Variants in USH2A observed in about 807,000 individuals in gnomAD.
USH2A encodes the protein Usher syndrome 2A (autosomal recessive, mild).
Under a neutral mutation model 538.9 loss-of-function variants are expected in USH2A, and 443 were observed. The observed-to-expected ratio is 0.82, with a 90% CI of 0.76 to 0.89. The LOEUF (loss-of-function observed/expected upper bound fraction) is 0.89, where lower values mean the gene tolerates loss of function less well. Among genes scored for constraint, USH2A ranks in the 40% least tolerant of loss-of-function variants. The pLI, the probability that USH2A is intolerant of heterozygous loss-of-function variation, is 0.00. For missense variants in USH2A, 6,633 were observed against 6,324.8 expected (o/e 1.05, Z -1.65); for synonymous variants, 2,413 against 2,273.5 (o/e 1.06, Z -1.75).
At chr1:215,775,895 T>C (rs1046723454) in intron 55 of USH2A, among the ~76,000 whole-genome samples, 14 of 152,250 alleles carry the variant, frequency 9.2e-5, no homozygotes, top group African/African-American at 3.4e-4. Flanking sequence ...CTGGTGAGTT[T>C]TTCCTTTTAA....
intron 49 of USH2A, among the ~76,000 whole-genome samples, chr1:215,810,887 T>C (rs187340657): frequency 9.7e-4 from 147 of 152,320 alleles, no homozygotes; most frequent in Non-Finnish European, 1.8e-3. Flanking sequence ...AATTTTGAAA[T>C]ATTTTTGATA....
At chr1:216,224,410 T>A (rs897875074) in intron 14 of USH2A, among the ~76,000 whole-genome samples, 2 of 152,106 alleles carry the variant, frequency 1.3e-5, no homozygotes, top group African/African-American at 2.4e-5. Context: ...GTGGGCAGAT[T>A]TTTTTTGCTT....
intron 3 of USH2A, among the ~76,000 whole-genome samples, chr1:216,374,956 C>T (rs1047629235): frequency 3.9e-5 from 6 of 152,036 alleles, no homozygotes; most frequent in East Asian, 1.9e-4. Context: ...TAAGTAGATT[C>T]GTGCTATTTC....
At chr1:215,976,231 T>A (rs1667616424) in intron 35 of USH2A, among the ~76,000 whole-genome samples, 1 of 152,198 alleles carries the variant, frequency 6.6e-6, no homozygotes, top group African/African-American at 2.4e-5. Context: ...TTTTGGGTTT[T>A]GTAGGCATAA....
chr1:215,692,946 C>T lies in USH2A; in HGVS notation c.12067-12570G>A, dbSNP rs146941613. ...TGAGACAGAGTCTCACTCTGTTGCC[C>T]GGGTTGGAGTATTGTGGCATGATCT... On this transcript the variant is annotated intron_variant, in intron 61 of 71. Transcript: ENST00000307340. Among the ~76,000 whole-genome samples the T allele has an allele frequency of 2.4e-4, 37 of 151,510 alleles. 1 individual carries two copies. The East Asian group carries it at 5.8e-3, about 24-fold the overall frequency.
chr1:215,628,401 G>GC (rs1053378409), intron 71 of USH2A, among the ~76,000 whole-genome samples: 4 of 152,014 alleles, frequency 2.6e-5, no homozygotes, highest in African/African-American at 9.7e-5. Flanking sequence ...TCCTGCCTCA[G>GC]CCCCCCTAGT....
At chr1:215,865,352 T>C (rs1253914653) in intron 44 of USH2A, among the ~76,000 whole-genome samples, 1 of 152,200 alleles carries the variant, frequency 6.6e-6, no homozygotes. Context: ...ACCAAGGTAA[T>C]GAAACTTCAG....
intron 11 of USH2A, among the ~76,000 whole-genome samples, chr1:216,280,619 T>C (rs1304148865): frequency 6.6e-6 from 1 of 152,228 alleles, no homozygotes; most frequent in Non-Finnish European, 1.5e-5. Context: ...CTGTCTTGAC[T>C]GTGGCATCAG....
chr1:215,780,960 C>T (rs1661617643), intron 54 of USH2A, among the ~76,000 whole-genome samples: 1 of 152,250 alleles, frequency 6.6e-6, no homozygotes, highest in Non-Finnish European at 1.5e-5. Context: ...ATCAGAGCTA[C>T]TCTGTGTAAG....
chr1:215,859,229 C>T (rs956430532), intron 44 of USH2A, among the ~76,000 whole-genome samples: 1 of 152,026 alleles, frequency 6.6e-6, no homozygotes, highest in African/African-American at 2.4e-5. Context: ...TTCAACCAAA[C>T]AAGAATTGAA....
chr1:216,072,491 T>C, intron 29 of USH2A: 2 of 287,986 alleles, frequency 6.9e-6, no homozygotes, highest in South Asian at 7.1e-5. Context: ...GTGCTTTCTG[T>C]GAGAAAGTCA....
At position 215,675,441 on chromosome 1, in the gene USH2A, G is replaced by GA. The variant is rs773417196; in HGVS notation, c.12469dup (p.Ser4157PhefsTer16). The GA allele has an allele frequency of 6.2e-7, 1 of 1,613,976 alleles. No individual in the cohort carries two copies. Among genetic ancestry groups the GA allele is most frequent in the African/African-American group, 1.3e-5 (1 of 75,032 alleles). On this transcript the variant is annotated frameshift_variant, in exon 63 of 72. Coordinates refer to ENST00000307340, the MANE Select transcript of USH2A (RefSeq NM_206933.4). LOFTEE classifies it high-confidence loss of function. ...AGAGTGGACAGTAGGAGCCAGCTGA[G>GA]AGTCTGGAGGGGCTTCATCTGTCCA...
At chr1:216,122,192 T>C (rs2033150991) in intron 21 of USH2A, among the ~76,000 whole-genome samples, 1 of 152,152 alleles carries the variant, frequency 6.6e-6, no homozygotes, top group African/African-American at 2.4e-5. Flanking sequence ...TCCAGACATT[T>C]TTACCTGGGT....
chr1:216,339,796 G>T (rs2038041024), intron 4 of USH2A, among the ~76,000 whole-genome samples: 1 of 151,888 alleles, frequency 6.6e-6, no homozygotes. Context: ...TGAGAGCAAA[G>T]AAACAACATA....
In USH2A at chr1:215,768,775, A is replaced by G. The variant is rs78768998; in HGVS notation, c.10940-1987T>C. 3.2e-4 allele frequency among the ~76,000 whole-genome samples: 48 copies of G among 152,300 alleles called. No homozygotes were observed. The East Asian group carries it at 9.1e-3, about 29-fold the overall frequency. ...CCCTTCATTCTCTTTACCGACAAAA[A>G]GGGGTCTTGACCAGTGTGATACCAT... On this transcript the variant is annotated intron_variant, in intron 55 of 71. Transcript: ENST00000307340.
chr1:216,315,756 G>T (rs1232597501), intron 9 of USH2A, among the ~76,000 whole-genome samples: 1 of 152,020 alleles, frequency 6.6e-6, no homozygotes, highest in African/African-American at 2.4e-5. Context: ...ACTTAAAAAT[G>T]CAAGTAACAG....
chr1:215,907,983 CA>C (rs1166463844), intron 38 of USH2A, among the ~76,000 whole-genome samples: 2 of 151,770 alleles, frequency 1.3e-5, no homozygotes, highest in Non-Finnish European at 2.9e-5. Flanking sequence ...AAATAAATTA[CA>C]AAAAAATGTG....
chr1:215,727,525 G>C (rs371857148), intron 61 of USH2A, among the ~76,000 whole-genome samples: 1 of 152,038 alleles, frequency 6.6e-6, no homozygotes, highest in African/African-American at 2.4e-5. Context: ...TCAGGAGTTC[G>C]AGACTAGCCT....
In USH2A at chr1:215,900,770, G is replaced by A. The variant is rs876658115; in HGVS notation, c.7436C>T (p.Thr2479Ile). The change falls in exon 39 of 72, where the codon ACC (threonine) becomes ATC (isoleucine). Residue 2479 changes from threonine (T) to isoleucine (I), a missense_variant. Physicochemically the swap from Thr to Ile is moderately conservative, Grantham distance 89. Transcript: ENST00000307340. ...YQLQMRSGDS[T>I]HGFLELFSNP... The stretch of plus-strand genomic sequence containing the variant: ...GAATGCTCACTCTAGAAATCCATGG[G>A]TGGAGTCGCCAGACCTCATCTGGAG... 3.7e-6 allele frequency: 6 copies of A among 1,613,672 alleles called. No homozygotes were observed. The Admixed American group carries it at 6.7e-5, about 18-fold the overall frequency.
Sources: allele counts gnomAD v4.1 joint callset (sites outside exome capture counted in the v4.1 genomes callset), GRCh38; gene constraint gnomAD v4.1.1; transcripts MANE v1.5; gene names NCBI Gene and HGNC (gene_info 2026-07-23, HGNC 2026-07-21).